CCDC85A: variants seen among roughly 807,000 people sequenced by gnomAD.
The protein encoded by CCDC85A is coiled-coil domain-containing protein 85A.
In CCDC85A, 38 loss-of-function variants were observed where a neutral mutation model predicts 50.2. The observed-to-expected ratio is 0.76, with a 90% CI of 0.58 to 0.99. The LOEUF is 0.99. CCDC85A is among the 50% of genes least tolerant of loss of function. The pLI is 0.00. For missense variants in CCDC85A, 820 were observed against 742.0 expected (o/e 1.11, Z -1.22); for synonymous variants, 366 against 301.4 (o/e 1.21, Z -2.22).
At chr2:56,267,208 C>G (rs1027858006) in intron 2 of CCDC85A, among the ~76,000 whole-genome samples, 1 of 152,164 alleles carries the variant, frequency 6.6e-6, no homozygotes, top group Non-Finnish European at 1.5e-5. Flanking sequence ...CTTCCACCCC[C>G]CAGACCCCAC....
Position 56,192,529 on chromosome 2 carries a change from G to A in CCDC85A, c.329G>A (p.Cys110Tyr), listed in dbSNP as rs199579852. 3 of 1,613,914 alleles carry A rather than the reference G, an allele frequency of 1.9e-6. No homozygotes were observed. The highest frequency in any genetic ancestry group is 2.7e-5 in the African/African-American group (2 of 75,024). Reference sequence around the variant, plus strand: ...AACCAGGAACTGAGGGACCTCTGCTGTTTCCTGGATGATGACCGGCAGAAA... The same window carrying A: ...AACCAGGAACTGAGGGACCTCTGCTATTTCCTGGATGATGACCGGCAGAAA... Reference protein sequence around the residue: ...EDNQELRDLCCFLDDDRQKGK... With the variant: ...EDNQELRDLCYFLDDDRQKGK... Residue 110 changes from cysteine (C) to tyrosine (Y), a missense_variant, in exon 2 of 6, where the codon TGT becomes TAT. Coordinates refer to ENST00000407595, the MANE Select transcript of CCDC85A (RefSeq NM_001080433.2). The surrounding 1 kb of genome is among the most constrained non-coding windows in gnomAD (Gnocchi z 4.7).
intron 2 of CCDC85A, among the ~76,000 whole-genome samples, chr2:56,207,885 A>G (rs1204138715): frequency 1.3e-5 from 2 of 152,152 alleles, no homozygotes; most frequent in African/African-American, 4.8e-5. Flanking sequence ...TTATATTTGA[A>G]TCCACCAACT....
chr2:56,378,921 A>T (rs946758380), intron 5 of CCDC85A, among the ~76,000 whole-genome samples: 5 of 152,212 alleles, frequency 3.3e-5, no homozygotes, highest in African/African-American at 9.7e-5. Context: ...ACTTTGATTT[A>T]TAAACTGATA....
intron 3 of CCDC85A, among the ~76,000 whole-genome samples, chr2:56,359,131 C>A (rs963225536): frequency 6.6e-6 from 1 of 152,036 alleles, no homozygotes; most frequent in South Asian, 2.1e-4. Flanking sequence ...AAATGCTCTT[C>A]CTAATATTTG....
At chr2:56,318,674 TACTAAC>T (rs1673026473) in intron 2 of CCDC85A, among the ~76,000 whole-genome samples, 1 of 152,162 alleles carries the variant, frequency 6.6e-6, no homozygotes, top group Non-Finnish European at 1.5e-5. Context: ...TTAGTCAGTT[TACTAAC>T]ACTAATTGAA....
Position 56,238,391 on chromosome 2 carries a change from T to G in CCDC85A, c.1240+44951T>G, listed in dbSNP as rs143557521. On this transcript the variant is annotated intron_variant, in intron 2 of 5. Transcript: ENST00000407595. ...AAGATTGCAGCACTGCCCTCCAGCC[T>G]AGGTGACAGAGTAACATTCTGTCTA... Among the ~76,000 whole-genome samples the G allele has an allele frequency of 2.0e-3, 295 of 148,716 alleles. 1 individual carries two copies. Among genetic ancestry groups the G allele is most frequent in the African/African-American group, 7.1e-3 (285 of 40,262 alleles).
intron 2 of CCDC85A, among the ~76,000 whole-genome samples, chr2:56,218,160 A>C: frequency 6.6e-6 from 1 of 151,910 alleles, no homozygotes; most frequent in Non-Finnish European, 1.5e-5. Context: ...TAATTTCAGC[A>C]AATCTATCAT....
intron 2 of CCDC85A, among the ~76,000 whole-genome samples, chr2:56,254,128 C>T (rs1345501029): frequency 6.6e-6 from 1 of 152,142 alleles, no homozygotes; most frequent in Non-Finnish European, 1.5e-5. Context: ...GGTTTACATA[C>T]ATTTTCCCTC....
intron 2 of CCDC85A, among the ~76,000 whole-genome samples, chr2:56,262,529 C>G (rs902056964): frequency 6.6e-6 from 1 of 152,066 alleles, no homozygotes; most frequent in Non-Finnish European, 1.5e-5. Flanking sequence ...TCAAGTGTCC[C>G]CAGGTAATCA....
intron 2 of CCDC85A, among the ~76,000 whole-genome samples, chr2:56,244,881 A>T (rs1669429731): frequency 6.6e-6 from 1 of 151,956 alleles, no homozygotes; most frequent in African/African-American, 2.4e-5. Flanking sequence ...AGGGCCTGGA[A>T]TGGGGGCCTC....
intron 2 of CCDC85A, among the ~76,000 whole-genome samples, chr2:56,303,501 G>T (rs1672299274): frequency 6.6e-6 from 1 of 152,060 alleles, no homozygotes. Context: ...AAAAGAACTT[G>T]ATTTGAACCC....
At chr2:56,193,863 A>T (rs914110437) in intron 2 of CCDC85A, among the ~76,000 whole-genome samples, 10 of 152,230 alleles carry the variant, frequency 6.6e-5, no homozygotes, top group Non-Finnish European at 1.3e-4. Context: ...AATCCAGTTA[A>T]TAGGTTATAT....
chr2:56,293,019 G>T (rs1270805878), intron 2 of CCDC85A, among the ~76,000 whole-genome samples: 2 of 152,162 alleles, frequency 1.3e-5, no homozygotes, highest in Non-Finnish European at 2.9e-5. Flanking sequence ...AATGAGAGCA[G>T]GTTTACAGTG....
chr2:56,339,364 G>A (rs566855804), intron 2 of CCDC85A, among the ~76,000 whole-genome samples: 3 of 152,212 alleles, frequency 2.0e-5, no homozygotes, highest in East Asian at 1.9e-4. Flanking sequence ...CATTAAAAAC[G>A]AGAGAGGATA....
At chr2:56,382,318 T>C (rs1676624117) in intron 5 of CCDC85A, among the ~76,000 whole-genome samples, 1 of 151,974 alleles carries the variant, frequency 6.6e-6, no homozygotes, top group African/African-American at 2.4e-5. Context: ...AAGACTCAGA[T>C]AGAACTTGGG....
rs752154505 is a variant in CCDC85A at position 56,384,321 on chromosome 2, A to C, written c.1628A>C (p.His543Pro). 1 of 1,611,262 alleles carries C rather than the reference A, an allele frequency of 6.2e-7. No homozygotes were observed. Residue 543 changes from histidine to proline, a missense_variant, in exon 6 of 6, where the codon CAT (histidine) becomes CCT (proline). Transcript: ENST00000407595. ...GGTTCGTGTCCTGGAATTAGGCAAC[A>C]TTTGTCAGGAAACCAGTACAAAGGA... The part of the protein sequence containing the change: ...AAGSCPGIRQ[H>P]LSGNQYKGPM
intron 2 of CCDC85A, among the ~76,000 whole-genome samples, chr2:56,341,362 C>G (rs1246078046): frequency 2.0e-5 from 3 of 152,082 alleles, no homozygotes; most frequent in Non-Finnish European, 4.4e-5. Flanking sequence ...TAACAACCAC[C>G]TGACTATCCC....
intron 3 of CCDC85A, among the ~76,000 whole-genome samples, chr2:56,368,193 C>T (rs1675900524): frequency 6.6e-6 from 1 of 152,114 alleles, no homozygotes; most frequent in African/African-American, 2.4e-5. Context: ...TATTATTTTA[C>T]ATCAGCATTG....
At chr2:56,341,250 G>T (rs939942996) in intron 2 of CCDC85A, among the ~76,000 whole-genome samples, 3 of 152,238 alleles carry the variant, frequency 2.0e-5, no homozygotes, top group East Asian at 3.9e-4. Flanking sequence ...GAGACCACTC[G>T]CCCAACTCCA....
Sources: allele counts gnomAD v4.1 joint callset (sites outside exome capture counted in the v4.1 genomes callset), GRCh38; gene constraint gnomAD v4.1.1; non-coding constraint Gnocchi (gnomAD v3.1); transcripts MANE v1.5; gene names NCBI Gene and HGNC (gene_info 2026-07-23, HGNC 2026-07-21).